GRIK2: variants seen among roughly 807,000 people sequenced by gnomAD.
The protein encoded by GRIK2 is glutamate ionotropic receptor kainate type subunit 2, also known as glutamate receptor ionotropic, kainate 2.
Under a neutral mutation model 100.3 loss-of-function variants are expected in GRIK2, and 32 were observed. That is an observed-to-expected ratio of 0.32 (90% confidence interval 0.24 to 0.43). GRIK2 has a LOEUF of 0.43. GRIK2 is among the 20% of genes least tolerant of loss of function. The probability of loss-of-function intolerance (pLI) is 1.00; values close to 1 mark genes in which losing one functional copy is unlikely to be tolerated. For synonymous variants in GRIK2, 417 were observed against 389.4 expected, an observed-to-expected ratio of 1.07 and a Z score of -0.83; for missense variants, 843 against 1,114.9, an observed-to-expected ratio of 0.76 and a Z score of 3.47.
chr6:101,932,909 T>C (rs569211716), intron 14 of GRIK2, among the ~76,000 whole-genome samples: 10 of 152,088 alleles, frequency 6.6e-5, no homozygotes, highest in Non-Finnish European at 1.0e-4. Context: ...CAGTTCCTTC[T>C]ACACCAGGGT....
intron 12 of GRIK2, among the ~76,000 whole-genome samples, chr6:101,892,224 C>A (rs1787151181): frequency 6.6e-6 from 1 of 152,112 alleles, no homozygotes; most frequent in South Asian, 2.1e-4. Context: ...TGGGTTACTT[C>A]AAATTTGTAT....
At chr6:101,623,487 GGAA>G (rs754141381) in intron 3 of GRIK2, among the ~76,000 whole-genome samples, 3 of 152,022 alleles carry the variant, frequency 2.0e-5, no homozygotes, top group Admixed American at 6.6e-5. Context: ...GTTTCCATTA[GGAA>G]GAAGAAGTTC....
intron 2 of GRIK2, among the ~76,000 whole-genome samples, chr6:101,581,380 G>A (rs532039974): frequency 6.6e-5 from 10 of 152,038 alleles, no homozygotes; most frequent in South Asian, 2.1e-4. Flanking sequence ...ACAATAGGCC[G>A]TTTGCAAGCT....
In GRIK2 at chr6:101,927,357, T is replaced by C. The variant is rs1306465777; in HGVS notation, c.1868-1058T>C. The C allele has an allele frequency of 7.9e-6, 5 of 633,222 alleles. No homozygotes were observed. The African/African-American group carries it at 9.9e-5, about 13-fold the overall frequency. 39.2% of individuals were successfully genotyped at this position (633,222 alleles called of 1,614,324 possible). A position where few individuals can be genotyped will look rare whatever the true frequency, so the allele number is the denominator to read the frequency against. On this transcript the variant is annotated intron_variant, in intron 13 of 16. Transcript: ENST00000369134. ...TGACTGTAAGTCCGTCTTTGCTTCA[T>C]TCCATTTTACTCAAACACAAATAAA...
intron 14 of GRIK2, among the ~76,000 whole-genome samples, chr6:101,932,513 C>T (rs1416379123): frequency 1.3e-5 from 2 of 151,782 alleles, no homozygotes; most frequent in African/African-American, 4.8e-5. Context: ...CAGGGAAACT[C>T]TCCTGACCCT....
At chr6:101,688,972 T>C (rs1228241858) in intron 7 of GRIK2, among the ~76,000 whole-genome samples, 1 of 151,990 alleles carries the variant, frequency 6.6e-6, no homozygotes, top group Non-Finnish European at 1.5e-5. Context: ...AATTATAAAA[T>C]AGCATATGGT....
At chr6:101,645,903 T>G (rs1288059099) in intron 4 of GRIK2, among the ~76,000 whole-genome samples, 1 of 151,916 alleles carries the variant, frequency 6.6e-6, no homozygotes, top group Non-Finnish European at 1.5e-5. Context: ...TAATAAAAAT[T>G]TATCTTTATT....
intron 16 of GRIK2, among the ~76,000 whole-genome samples, chr6:102,058,916 G>T (rs779662042): frequency 3.3e-5 from 5 of 151,386 alleles, no homozygotes; most frequent in African/African-American, 4.8e-5. Context: ...TGTGAACTTT[G>T]TGAATAAAAT....
chr6:101,859,810 A>G (rs550234147), intron 11 of GRIK2, among the ~76,000 whole-genome samples: 1 of 152,320 alleles, frequency 6.6e-6, no homozygotes, highest in South Asian at 2.1e-4. Flanking sequence ...AAAGTTGGCA[A>G]GAGGCTTAAT....
intron 2 of GRIK2, among the ~76,000 whole-genome samples, chr6:101,599,053 C>T (rs1233201044): frequency 1.3e-5 from 2 of 151,518 alleles, no homozygotes; most frequent in African/African-American, 4.8e-5. Context: ...TTTTTCAACC[C>T]TTGTCCCCTT....
intron 7 of GRIK2, among the ~76,000 whole-genome samples, chr6:101,746,229 A>G (rs1275594515): frequency 6.6e-6 from 1 of 152,204 alleles, no homozygotes; most frequent in East Asian, 1.9e-4. Flanking sequence ...AATACAGAAT[A>G]GTCATCTATT....
intron 2 of GRIK2, among the ~76,000 whole-genome samples, chr6:101,577,104 T>A (rs994455602): frequency 2.6e-5 from 4 of 152,010 alleles, no homozygotes; most frequent in Admixed American, 6.6e-5. Flanking sequence ...AATAGACTAA[T>A]GATTAGATTT....
intron 14 of GRIK2, among the ~76,000 whole-genome samples, chr6:101,956,784 A>AT (rs1491519929): frequency 9.6e-5 from 11 of 114,888 alleles, no homozygotes; most frequent in Non-Finnish European, 1.6e-4. Flanking sequence ...ATATATATAT[A>AT]AAATTTTCTT....
chr6:101,638,081 T>C (rs1781108705), intron 4 of GRIK2, among the ~76,000 whole-genome samples: 1 of 151,978 alleles, frequency 6.6e-6, no homozygotes, highest in African/African-American at 2.4e-5. Flanking sequence ...ATTTTTAGCA[T>C]CCTCACATAA....
At chr6:101,417,024 A>G (rs537188147) in intron 2 of GRIK2, among the ~76,000 whole-genome samples, 2 of 152,198 alleles carry the variant, frequency 1.3e-5, no homozygotes, top group Non-Finnish European at 2.9e-5. Flanking sequence ...AAGACTGGGT[A>G]ATTTATAAAG....
intron 5 of GRIK2, among the ~76,000 whole-genome samples, 199 bp downstream of exon 5, chr6:101,677,003 G>A (rs1338466469): frequency 3.3e-5 from 5 of 152,006 alleles, no homozygotes; most frequent in African/African-American, 9.7e-5. Context: ...TCTTCAAAAC[G>A]GGTTGTTGGA....
intron 12 of GRIK2, among the ~76,000 whole-genome samples, chr6:101,898,273 A>T (rs1787608297): frequency 6.6e-6 from 1 of 151,954 alleles, no homozygotes; most frequent in African/African-American, 2.4e-5. Flanking sequence ...CTAAAGAAAA[A>T]ATAAATTTAG....
At chr6:101,415,915 T>G (rs1776119428) in intron 2 of GRIK2, among the ~76,000 whole-genome samples, 1 of 152,184 alleles carries the variant, frequency 6.6e-6, no homozygotes, top group Admixed American at 6.5e-5. Flanking sequence ...GGAATTAAAA[T>G]AGATAAAATA....
chr6:101,514,395 G>T (rs1271459554), intron 2 of GRIK2, among the ~76,000 whole-genome samples: 3 of 151,984 alleles, frequency 2.0e-5, no homozygotes, highest in Non-Finnish European at 4.4e-5. Flanking sequence ...GAAGAAGAAA[G>T]CAGAAGGAAG....
Sources: gnomAD v4.1 joint callset for allele counts (sites outside exome capture counted in the v4.1 genomes callset) on GRCh38, gnomAD v4.1.1 for gene constraint, MANE v1.5 for transcripts, NCBI Gene and HGNC (gene_info 2026-07-23, HGNC 2026-07-21) for gene names.